The following NLRP11 variants were observed in gnomAD, a reference collection of about 807,000 sequenced individuals.
NLRP11 encodes NLR family pyrin domain containing 11, also known as NACHT, LRR and PYD domains-containing protein 11.
A neutral mutation model predicts 79.3 loss-of-function variants in NLRP11; 53 were observed. The ratio of observed to expected loss-of-function variants is 0.67; its 90% CI spans 0.54 to 0.84. The LOEUF is 0.84. Ranked by LOEUF, NLRP11 falls within the 40% of genes least tolerant of loss-of-function variation. NLRP11 has a pLI of 0.00. For synonymous variants in NLRP11, 518 were observed against 462.6 expected (o/e 1.12, Z -1.54); for missense variants, 1,264 against 1,255.0 (o/e 1.01, Z -0.11).
intron 1 of NLRP11, among the ~76,000 whole-genome samples, chr19:55,829,188 A>T (rs1193792231): frequency 7.8e-6 from 1 of 128,684 alleles, no homozygotes; most frequent in Non-Finnish European, 1.6e-5. Flanking sequence ...ACACACGCTG[A>T]CACAATATTG....
At chr19:55,788,298 C>T (rs1370454104) in intron 9 of NLRP11, among the ~76,000 whole-genome samples, 2 of 151,888 alleles carry the variant, frequency 1.3e-5, no homozygotes, top group African/African-American at 4.8e-5. Context: ...ATCTTTTACT[C>T]ACCATTGAGT....
At chr19:55,803,329 G>A (rs1979665201) in intron 4 of NLRP11, among the ~76,000 whole-genome samples, 1 of 152,112 alleles carries the variant, frequency 6.6e-6, no homozygotes, top group Non-Finnish European at 1.5e-5. Flanking sequence ...AACAGAGCAA[G>A]ATTCCGTTAT....
intron 1 of NLRP11, among the ~76,000 whole-genome samples, chr19:55,831,110 T>TC (rs1568647613): frequency 1.0e-3 from 10 of 10,008 alleles, no homozygotes; most frequent in African/African-American, 3.0e-3. Flanking sequence ...ACCCCCCCCA[T>TC]CCCCCCCACC....
At chr19:55,796,792 G>C (rs192492659) in intron 5 of NLRP11, among the ~76,000 whole-genome samples, 6 of 151,612 alleles carry the variant, frequency 4.0e-5, no homozygotes, top group Non-Finnish European at 7.4e-5. Flanking sequence ...GTTTTTAAGC[G>C]ATTCTCCTGC....
At chr19:55,808,283 ATC>A (rs1980205306) in intron 3 of NLRP11, among the ~76,000 whole-genome samples, 1 of 152,234 alleles carries the variant, frequency 6.6e-6, no homozygotes, top group Admixed American at 6.5e-5. Context: ...AATATTAAAA[ATC>A]AATGTTGCAT....
Position 55,796,749 on chromosome 19 carries a change from C to T in NLRP11, c.2172-499G>A, listed in dbSNP as rs184253951. Among the ~76,000 whole-genome samples the T allele has an allele frequency of 1.4e-3, 212 of 151,002 alleles. 1 individual carries two copies. The highest frequency in any genetic ancestry group is 1.8e-3 in the Non-Finnish European group (121 of 67,896). Reference sequence around the variant, plus strand: ...TCGCCCAGGCTGGAGTGCAATGGTGCGATCTCGGCTCACTGCAACCTCTGC... The same window carrying T: ...TCGCCCAGGCTGGAGTGCAATGGTGTGATCTCGGCTCACTGCAACCTCTGC... On this transcript the variant is annotated intron_variant, in intron 5 of 9. Transcript: ENST00000589093.
In NLRP11 at chr19:55,809,266, G is replaced by A; in HGVS notation, c.1344C>T (p.Phe448=). The change falls in exon 3 of 10, where the codon TTC becomes TTT. Residue 448 remains phenylalanine (F), a synonymous_variant. Coordinates refer to ENST00000589093, the Ensembl canonical transcript of NLRP11. This position sits in a 1 kb window ranked among gnomAD's most constrained non-coding sequence, Gnocchi z 4.5. The stretch of plus-strand genomic sequence containing the variant: ...AAAACTCCTGGACGTTCAAGTGTAT[G>A]AACTTGTAACGGTCTTTATGAGTGT... 1 of 1,614,032 alleles carries A rather than the reference G, an allele frequency of 6.2e-7. No individual in the cohort carries two copies. Among genetic ancestry groups the A allele is most frequent in the South Asian group, 1.1e-5 (1 of 91,078 alleles).
intron 9 of NLRP11, among the ~76,000 whole-genome samples, 196 bp downstream of exon 9, chr19:55,788,611 G>A (rs1990033657): frequency 6.6e-6 from 1 of 151,334 alleles, no homozygotes; most frequent in Admixed American, 6.6e-5. Context: ...GTGGTGGTGG[G>A]TGCCTGTAGT....
intron 1 of NLRP11, among the ~76,000 whole-genome samples, chr19:55,829,871 C>T (rs185959712): frequency 1.8e-3 from 279 of 151,980 alleles, no homozygotes; most frequent in African/African-American, 6.6e-3. Context: ...TTTTGACTTC[C>T]AACACTCATA....
At chr19:55,799,424 C>T (rs1979257061) in intron 5 of NLRP11, among the ~76,000 whole-genome samples, 1 of 151,966 alleles carries the variant, frequency 6.6e-6, no homozygotes, top group African/African-American at 2.4e-5. Flanking sequence ...ACATTTAGAA[C>T]CACTTGGAAA....
At chr19:55,823,426 G>T (rs1352452893) in intron 1 of NLRP11, among the ~76,000 whole-genome samples, 1 of 139,926 alleles carries the variant, frequency 7.1e-6, no homozygotes, top group Non-Finnish European at 1.5e-5. Context: ...TGACTTTGAG[G>T]AGCTGAGAGA....
chr19:55,835,433 G>T (rs1983160488), upstream of NLRP11, among the ~76,000 whole-genome samples: 3 of 152,282 alleles, frequency 2.0e-5, no homozygotes, highest in Admixed American at 6.5e-5. Flanking sequence ...AGGCACAGTG[G>T]CTCATGCCTG....
exon 3 of NLRP11, chr19:55,808,997 T>G: frequency 6.2e-7 from 1 of 1,614,140 alleles, no homozygotes; most frequent in Non-Finnish European, 8.5e-7. Flanking sequence ...GTGCGTCAAC[T>G]TTTCCGGGTC....
intron 4 of NLRP11, among the ~76,000 whole-genome samples, chr19:55,802,247 T>C (rs117194301): frequency 0.041 from 6,286 of 152,284 alleles, 265 homozygotes; most frequent in East Asian, 0.17. Context: ...GCAGATGACA[T>C]GATTCCATAT....
exon 6 of NLRP11, chr19:55,796,115 G>A: frequency 6.2e-7 from 1 of 1,613,920 alleles, no homozygotes; most frequent in Middle Eastern, 1.7e-4. Context: ...GATGAAGCAA[G>A]GCATCACACA....
intron 5 of NLRP11, 58 bp from the exon 6 acceptor site, chr19:55,796,308 T>C: frequency 1.5e-6 from 2 of 1,312,332 alleles, no homozygotes; most frequent in East Asian, 2.5e-5. Flanking sequence ...TCCCCTCTTT[T>C]AAATTAAAAA....
intron 1 of NLRP11, among the ~76,000 whole-genome samples, chr19:55,824,635 T>A (rs2122913984): frequency 9.3e-6 from 1 of 108,014 alleles, no homozygotes; most frequent in South Asian, 2.6e-4. Context: ...TAAAACAGAC[T>A]TTAAACCAAC....
exon 2 of NLRP11, chr19:55,818,118 A>T (rs993835347): frequency 1.2e-6 from 2 of 1,614,030 alleles, no homozygotes; most frequent in African/African-American, 2.7e-5. Context: ...ATTCCTTGTC[A>T]CTGAGATTCT....
At position 55,810,390 on chromosome 19, in the gene NLRP11, G is replaced by T. The variant is rs140500091; in HGVS notation, c.272-52C>A. ...ATACAGAACAAAGATGAAAGTTCAA[G>T]ATGTAAAAACAGTTTTAGCTTCTTT... On this transcript the variant is annotated intron_variant, in intron 2 of 9. Transcript: ENST00000589093. 466 of 1,513,626 alleles carry T rather than the reference G, an allele frequency of 3.1e-4. 2 individuals carry two copies. In the East Asian group the frequency reaches 9.8e-3, roughly 32 times the overall value. The allele number at this position is 1,513,626 out of a possible 1,614,324, so 93.8% of individuals were successfully genotyped here.
Sources: gnomAD v4.1 joint callset for allele counts (sites outside exome capture counted in the v4.1 genomes callset) on GRCh38, gnomAD v4.1.1 for gene constraint, Gnocchi (gnomAD v3.1) non-coding constraint, MANE v1.5 for transcripts, NCBI Gene and HGNC (gene_info 2026-07-23, HGNC 2026-07-21) for gene names.